Variants in MTHFD2L observed in about 807,000 individuals in gnomAD.
MTHFD2L encodes the protein bifunctional methylenetetrahydrofolate dehydrogenase/cyclohydrolase 2, mitochondrial.
MTHFD2L carries 29 observed loss-of-function variants against 34.9 expected under a neutral mutation model. That is an observed-to-expected ratio of 0.83 (90% CI 0.62 to 1.13). The LOEUF (loss-of-function observed/expected upper bound fraction) is 1.13. Ranked by LOEUF, MTHFD2L falls within the 50% of genes most tolerant of loss-of-function variation. MTHFD2L has a pLI of 0.00. For missense variants in MTHFD2L, 481 were observed against 446.5 expected (o/e 1.08, Z -0.70); for synonymous variants, 167 against 155.7 (o/e 1.07, Z -0.54).
chr4:74,229,969 G>A (rs1343667191), intron 6 of MTHFD2L, among the ~76,000 whole-genome samples: 1 of 152,132 alleles, frequency 6.6e-6, no homozygotes, highest in African/African-American at 2.4e-5. Flanking sequence ...AAGCTTGCTA[G>A]GTAAGTGCTT....
At chr4:74,150,033 A>G (rs7660423) in intron 1 of MTHFD2L, among the ~76,000 whole-genome samples, 6,487 of 152,212 alleles carry the variant, frequency 0.043, 207 homozygotes, top group Non-Finnish European at 0.055. Context: ...AAATAATGGA[A>G]GAAGAGTAAG....
At chr4:74,134,363 C>A (rs769303384) in intron 1 of MTHFD2L, among the ~76,000 whole-genome samples, 6 of 152,168 alleles carry the variant, frequency 3.9e-5, no homozygotes, top group Non-Finnish European at 7.4e-5. Flanking sequence ...TAGGGTAATC[C>A]CTTTGGTCCT....
At chr4:74,273,102 A>G (rs1746199552) in intron 6 of MTHFD2L, among the ~76,000 whole-genome samples, 1 of 152,160 alleles carries the variant, frequency 6.6e-6, no homozygotes, top group South Asian at 2.1e-4. Context: ...TTTGAGGAGT[A>G]TGGGTTTTAC....
chr4:74,284,506 C>T (rs746023623), intron 7 of MTHFD2L, among the ~76,000 whole-genome samples: 2 of 151,106 alleles, frequency 1.3e-5, no homozygotes, highest in African/African-American at 4.9e-5. Context: ...TAATATCCTT[C>T]GCCCACTTGT....
chr4:74,168,110 T>A (rs1403150461), intron 1 of MTHFD2L, among the ~76,000 whole-genome samples: 4 of 152,180 alleles, frequency 2.6e-5, no homozygotes, highest in Non-Finnish European at 5.9e-5. Flanking sequence ...TCCTTCATAT[T>A]TTCACCAGTT....
At chr4:74,188,106 G>T (rs1200836639) in intron 3 of MTHFD2L, among the ~76,000 whole-genome samples, 1 of 67,470 alleles carries the variant, frequency 1.5e-5, no homozygotes, top group Non-Finnish European at 5.2e-5. Flanking sequence ...AAAGTATCTA[G>T]ACAAGAGTAT....
intron 5 of MTHFD2L, among the ~76,000 whole-genome samples, chr4:74,205,172 A>T (rs1009925014): frequency 6.6e-6 from 1 of 152,180 alleles, no homozygotes; most frequent in Non-Finnish European, 1.5e-5. Context: ...GAGGAGTATG[A>T]TGACATGTAT....
intron 1 of MTHFD2L, among the ~76,000 whole-genome samples, chr4:74,136,832 C>T (rs1722971088): frequency 6.6e-6 from 1 of 152,108 alleles, no homozygotes; most frequent in South Asian, 2.1e-4. Flanking sequence ...GCAGCCAATT[C>T]ATCTTCAGCA....
chr4:74,168,308 G>T (rs368086636), intron 1 of MTHFD2L, among the ~76,000 whole-genome samples: 1 of 152,124 alleles, frequency 6.6e-6, no homozygotes, highest in Non-Finnish European at 1.5e-5. Flanking sequence ...ATTCCTCAAA[G>T]ATTTCAGGTA....
intron 6 of MTHFD2L, among the ~76,000 whole-genome samples, chr4:74,251,604 T>C (rs1254920452): frequency 6.6e-6 from 1 of 152,124 alleles, no homozygotes; most frequent in Non-Finnish European, 1.5e-5. Context: ...AAGAATCAGC[T>C]CATGCCCTCA....
intron 5 of MTHFD2L, among the ~76,000 whole-genome samples, chr4:74,211,616 G>A (rs1346509971): frequency 6.6e-6 from 1 of 152,194 alleles, no homozygotes; most frequent in African/African-American, 2.4e-5. Flanking sequence ...TCACATTGAT[G>A]TTAATCAGGG....
At chr4:74,275,216 G>T (rs935305327) in intron 6 of MTHFD2L, among the ~76,000 whole-genome samples, 1 of 152,066 alleles carries the variant, frequency 6.6e-6, no homozygotes, top group Admixed American at 6.6e-5. Flanking sequence ...CTGTTCCTGT[G>T]CTAGTTTGCT....
intron 6 of MTHFD2L, among the ~76,000 whole-genome samples, chr4:74,250,966 C>G (rs965723004): frequency 6.6e-6 from 1 of 152,172 alleles, no homozygotes; most frequent in African/African-American, 2.4e-5. Context: ...TATTCCCTCT[C>G]AGAGTTGCAC....
chr4:74,127,281 T>C (rs1021419914), intron 1 of MTHFD2L, among the ~76,000 whole-genome samples: 1 of 152,160 alleles, frequency 6.6e-6, no homozygotes, highest in Non-Finnish European at 1.5e-5. Context: ...ATTATTCTCT[T>C]CTAGCTATTT....
In MTHFD2L at chr4:74,183,709, A is replaced by G. The variant is rs1208397779; in HGVS notation, c.451+8306A>G. 3 of 152,042 alleles carry G rather than the reference A, an allele frequency of 2.0e-5. No homozygotes were observed. The East Asian group carries it at 5.8e-4, about 29-fold the overall frequency. 9.4% of individuals were successfully genotyped at this position (152,042 alleles called of 1,614,324 possible). ...AGTCCTTCACCTAGATGGAAATGAT[A>G]CTAGATGGAAATATGGATCTGTCCA... On this transcript the variant is annotated intron_variant, in intron 3 of 7. Coordinates refer to ENST00000325278, the MANE Select transcript of MTHFD2L (RefSeq NM_001144978.3).
chr4:74,164,504 C>G (rs1347805996), intron 1 of MTHFD2L, among the ~76,000 whole-genome samples: 1 of 152,194 alleles, frequency 6.6e-6, no homozygotes, highest in Admixed American at 6.5e-5. Flanking sequence ...TGAAGACTTT[C>G]TGCTCTCATA....
At chr4:74,123,083 C>T (rs930554684), upstream of MTHFD2L, among the ~76,000 whole-genome samples, 2 of 152,084 alleles carry the variant, frequency 1.3e-5, no homozygotes, top group Non-Finnish European at 2.9e-5. Flanking sequence ...TATATTAAAT[C>T]AGGTTAAATT....
chr4:74,301,121 G>A (rs1750259759), intron 7 of MTHFD2L, among the ~76,000 whole-genome samples: 2 of 152,000 alleles, frequency 1.3e-5, no homozygotes, highest in African/African-American at 4.8e-5. Flanking sequence ...AATTATAAGT[G>A]AAACCATTGC....
chr4:74,227,239 A>C (rs1739307165), intron 6 of MTHFD2L, among the ~76,000 whole-genome samples: 1 of 152,182 alleles, frequency 6.6e-6, no homozygotes. Context: ...GCTTTTGCTC[A>C]GCATCCTTTC....
Sources: allele counts gnomAD v4.1 joint callset (sites outside exome capture counted in the v4.1 genomes callset), GRCh38; gene constraint gnomAD v4.1.1; transcripts MANE v1.5; gene names NCBI Gene and HGNC (gene_info 2026-07-23, HGNC 2026-07-21).